TDRD9: variants seen among roughly 807,000 people sequenced by gnomAD.
The protein encoded by TDRD9 is tudor domain containing 9, also known as ATP-dependent RNA helicase TDRD9.
TDRD9 carries 124 observed loss-of-function variants against 172.6 expected under a neutral mutation model. The observed-to-expected ratio is 0.72, with a 90% CI of 0.62 to 0.83. The LOEUF is 0.83. Among genes scored for constraint, TDRD9 ranks in the 40% least tolerant of loss-of-function variants. The pLI, the probability that TDRD9 is intolerant of heterozygous loss-of-function variation, is 0.00. For missense variants in TDRD9, 1,479 were observed against 1,714.1 expected, an observed-to-expected ratio of 0.86 and a Z score of 2.42; for synonymous variants, 619 against 617.1, an observed-to-expected ratio of 1.00 and a Z score of -0.05.
intron 14 of TDRD9, 172 bp from the exon 15 acceptor site, chr14:104,005,102 T>A: frequency 1.8e-6 from 1 of 541,810 alleles, no homozygotes; most frequent in Admixed American, 3.4e-5. Context: ...TCTCTCCTGT[T>A]CTTTCTTCTT....
intron 20 of TDRD9, among the ~76,000 whole-genome samples, chr14:104,009,769 A>G (rs1222941398): frequency 6.6e-6 from 1 of 151,488 alleles, no homozygotes; most frequent in Non-Finnish European, 1.5e-5. Context: ...CTATTTCCTT[A>G]TTTATTTGGT....
chr14:103,956,101 AAAAAAAAAAAAT>A (rs1335962116), intron 2 of TDRD9, among the ~76,000 whole-genome samples: 16 of 54,220 alleles, frequency 3.0e-4, no homozygotes, highest in African/African-American at 1.1e-3. Flanking sequence ...AAAAAAAAAA[AAAAAAAAAAAAT>A]ATATATATAT....
At chr14:104,011,912 G>GT (rs1332766690) in intron 20 of TDRD9, among the ~76,000 whole-genome samples, 2 of 151,902 alleles carry the variant, frequency 1.3e-5, no homozygotes, top group Non-Finnish European at 2.9e-5. Context: ...ATCAGCAAAG[G>GT]TTAAAAAAAA....
intron 7 of TDRD9, among the ~76,000 whole-genome samples, chr14:103,977,492 CAAAAAAAAAAAAAAAA>C (rs57634354): frequency 1.9e-5 from 1 of 53,180 alleles, no homozygotes; most frequent in Non-Finnish European, 3.2e-5. Context: ...GACTCCATCT[CAAAAAAAAAAAAAAAA>C]AAAAAAAAAA....
chr14:103,944,167 G>C (rs2247292), intron 1 of TDRD9, among the ~76,000 whole-genome samples: 3 of 152,150 alleles, frequency 2.0e-5, no homozygotes, highest in Non-Finnish European at 2.9e-5. Flanking sequence ...GCCCTCTGCA[G>C]TCTCACATTA....
chr14:104,010,424 C>T (rs1193067568), intron 20 of TDRD9, among the ~76,000 whole-genome samples: 5 of 152,060 alleles, frequency 3.3e-5, no homozygotes, highest in Non-Finnish European at 7.4e-5. Context: ...CACTGTCTTC[C>T]GCCTCCACAT....
chr14:103,934,207 C>A (rs1475907059), intron 1 of TDRD9, among the ~76,000 whole-genome samples: 1 of 152,050 alleles, frequency 6.6e-6, no homozygotes, highest in African/African-American at 2.4e-5. Context: ...AAGATGGTGT[C>A]TCACTATGTT....
In TDRD9 at chr14:103,965,507, A is replaced by T; in HGVS notation, c.595A>T (p.Ile199Phe). ...KIGASSIARW[I>F]SKERAWTLGG... ...AGGGGCAAGCAGCATCGCCAGGTGG[A>T]TCAGTAAAGAGCGTGCCTGGACCCT... is the stretch of plus-strand genomic sequence containing the variant. Residue 199 changes from isoleucine to phenylalanine, a missense_variant, in exon 4 of 36, where the codon ATC (isoleucine) becomes TTC (phenylalanine). Physicochemically the swap from Ile to Phe is conservative, Grantham distance 21 (BLOSUM62 0). This residue lies in a region of TDRD9 where 1,413 missense variants were observed against 1,649.1 expected (regional missense o/e 0.86). Transcript: ENST00000409874. 1 of 1,546,910 alleles carries T rather than the reference A, an allele frequency of 6.5e-7. No individual in the cohort carries two copies. Among genetic ancestry groups the T allele is most frequent in the Non-Finnish European group, 8.7e-7 (1 of 1,146,568 alleles).
chr14:103,933,072 T>C (rs1461813098), intron 1 of TDRD9, among the ~76,000 whole-genome samples: 1 of 152,198 alleles, frequency 6.6e-6, no homozygotes, highest in Non-Finnish European at 1.5e-5. Context: ...GAACAATTTA[T>C]AAATTTTGTT....
At chr14:104,018,013 A>G in intron 22 of TDRD9, 79 bp from the exon 23 acceptor site, 2 of 807,884 alleles carry the variant, frequency 2.5e-6, no homozygotes, top group Non-Finnish European at 2.0e-6. Flanking sequence ...AACAGTGTGC[A>G]GCAGCTTTGA....
At chr14:103,955,518 G>T in intron 1 of TDRD9, 146 bp from the exon 2 acceptor site, 1 of 537,560 alleles carries the variant, frequency 1.9e-6, no homozygotes, top group Non-Finnish European at 3.3e-6. Context: ...ATTTGCATCT[G>T]CCTGGTAACT....
chr14:103,961,306 C>T (rs907263200), intron 2 of TDRD9, among the ~76,000 whole-genome samples: 4 of 152,218 alleles, frequency 2.6e-5, no homozygotes, highest in Admixed American at 6.5e-5. Flanking sequence ...ATAGGTCAGG[C>T]GTGGTGGCTC....
intron 1 of TDRD9, among the ~76,000 whole-genome samples, chr14:103,948,246 G>A (rs1384010608): frequency 6.6e-6 from 1 of 151,830 alleles, no homozygotes; most frequent in Non-Finnish European, 1.5e-5. Context: ...TGAACTCCTG[G>A]TTTCAAGTGA....
chr14:103,941,790 A>G (rs951859597), intron 1 of TDRD9: 1 of 935,486 alleles, frequency 1.1e-6, no homozygotes, highest in African/African-American at 1.7e-5. Flanking sequence ...ATTTGCCCGA[A>G]AAGTGCACGA....
At chr14:103,946,354 G>A (rs1293555809) in intron 1 of TDRD9, among the ~76,000 whole-genome samples, 1 of 152,212 alleles carries the variant, frequency 6.6e-6, no homozygotes, top group Non-Finnish European at 1.5e-5. Context: ...TTTCTGTGGA[G>A]TTGTTCATAT....
intron 8 of TDRD9, among the ~76,000 whole-genome samples, chr14:103,987,123 T>TATATACACACAC (rs1167102708): frequency 3.4e-5 from 5 of 145,686 alleles, no homozygotes; most frequent in African/African-American, 1.3e-4. Context: ...AAAAAATATA[T>TATATACACACAC]ACACACACAC....
intron 24 of TDRD9, among the ~76,000 whole-genome samples, chr14:104,023,038 C>G (rs1035912210): frequency 9.2e-5 from 14 of 151,510 alleles, no homozygotes; most frequent in African/African-American, 3.4e-4. Context: ...AAAAATTAGC[C>G]GGGTGTGGTG....
Position 104,026,845 on chromosome 14 carries a change from A to C in TDRD9, c.3188A>C (p.Tyr1063Ser). Reference protein sequence around the residue: ...VVHSVLHVDVYQYSGVQDAIN... With the variant: ...VVHSVLHVDVSQYSGVQDAIN... The stretch of plus-strand genomic sequence containing the variant: ...CACAGCGTCCTGCACGTGGATGTGT[A>C]CCAGTACTCAGGGGTCCAGGATGCC... Residue 1063 changes from tyrosine (Y) to serine (S), a missense_variant, in exon 28 of 36, where the codon TAC (tyrosine) becomes TCC (serine). Tyr to Ser is a moderately radical substitution (Grantham distance 144). Coordinates refer to ENST00000409874, the MANE Select transcript of TDRD9 (RefSeq NM_153046.3). The C allele has an allele frequency of 6.2e-7, 1 of 1,613,996 alleles. No homozygotes were observed. The highest frequency in any genetic ancestry group is 8.5e-7 in the Non-Finnish European group (1 of 1,179,876).
chr14:104,034,119 T>C, intron 31 of TDRD9, 50 bp downstream of exon 31: 1 of 1,160,656 alleles, frequency 8.6e-7, no homozygotes, highest in Non-Finnish European at 1.3e-6. Flanking sequence ...TTCTTTTCCT[T>C]GACTTCAGCT....
Sources: allele counts gnomAD v4.1 joint callset (sites outside exome capture counted in the v4.1 genomes callset), GRCh38; gene constraint gnomAD v4.1.1; regional missense constraint gnomAD v4.1.1; transcripts MANE v1.5; gene names NCBI Gene and HGNC (gene_info 2026-07-23, HGNC 2026-07-21).